IGF1R: variants seen among roughly 807,000 people sequenced by gnomAD.
IGF1R encodes the protein insulin like growth factor 1 receptor.
A neutral mutation model predicts 144.6 loss-of-function variants in IGF1R; 44 were observed. That is an observed-to-expected ratio of 0.30 (90% CI 0.24 to 0.39). IGF1R has a LOEUF of 0.39. Ranked by LOEUF, IGF1R falls within the 10% of genes least tolerant of loss-of-function variation. IGF1R has a pLI of 1.00. For synonymous variants in IGF1R, 795 were observed against 722.8 expected (o/e 1.10, Z -1.60); for missense variants, 1,355 against 1,833.7 (o/e 0.74, Z 4.77).
chr15:98,934,639 T>C (rs998358708), intron 15 of IGF1R, among the ~76,000 whole-genome samples, 185 bp from the exon 16 acceptor site: 3 of 152,224 alleles, frequency 2.0e-5, no homozygotes, highest in African/African-American at 7.2e-5. Context: ...GTACTGACTG[T>C]ACAGTTTTCT....
chr15:98,710,242 G>C (rs750383083), intron 2 of IGF1R, among the ~76,000 whole-genome samples: 13 of 152,166 alleles, frequency 8.5e-5, no homozygotes, highest in Non-Finnish European at 1.5e-4. Flanking sequence ...CAGCCCTGCT[G>C]ATGTTCCTTG....
At chr15:98,827,741 C>T (rs1297992033) in intron 2 of IGF1R, among the ~76,000 whole-genome samples, 12 of 152,166 alleles carry the variant, frequency 7.9e-5, no homozygotes. Context: ...CGCCACCACA[C>T]CCGGCTAATT....
chr15:98,925,143 C>A (rs1177431861), intron 13 of IGF1R, among the ~76,000 whole-genome samples: 1 of 152,114 alleles, frequency 6.6e-6, no homozygotes, highest in Admixed American at 6.5e-5. Flanking sequence ...TCTGGTTCAG[C>A]CTGCTACAGG....
At chr15:98,840,306 C>G (rs1273082501) in intron 2 of IGF1R, among the ~76,000 whole-genome samples, 1 of 152,230 alleles carries the variant, frequency 6.6e-6, no homozygotes, top group Non-Finnish European at 1.5e-5. Flanking sequence ...ACTGCCTTCA[C>G]ATCTTGCTTT....
intron 1 of IGF1R, among the ~76,000 whole-genome samples, chr15:98,664,568 G>A (rs746051516): frequency 2.0e-5 from 3 of 151,844 alleles, no homozygotes; most frequent in Non-Finnish European, 4.4e-5. Context: ...AGGAGGCTGA[G>A]GCAGGAGAAT....
chr15:98,894,845 AC>A (rs1429514547), intron 3 of IGF1R, among the ~76,000 whole-genome samples: 2 of 151,980 alleles, frequency 1.3e-5, no homozygotes, highest in Non-Finnish European at 2.9e-5. Flanking sequence ...ACATGGTGAA[AC>A]CCCATCTCTA....
rs1256725477 is a variant in IGF1R at position 98,648,951 on chromosome 15, T to G, written c.-631T>G. ...GAGCGCGGCGCGGCCGGCCCGCCGC[T>G]TTGTGTGTGTCCTGGATTTGGGAAG... On this transcript the variant is annotated 5_prime_UTR_variant, in exon 1 of 21. Coordinates refer to ENST00000650285, the MANE Select transcript of IGF1R (RefSeq NM_000875.5). 16 of 181,708 alleles carry G rather than the reference T, an allele frequency of 8.8e-5. No individual in the cohort carries two copies. The highest frequency in any genetic ancestry group is 1.9e-3 in the Middle Eastern group (1 of 532). The allele number at this position is 181,708 out of a possible 1,614,324, so 11.3% of individuals were successfully genotyped here.
At chr15:98,870,171 C>G (rs2012707375) in intron 2 of IGF1R, among the ~76,000 whole-genome samples, 1 of 152,242 alleles carries the variant, frequency 6.6e-6, no homozygotes, top group South Asian at 2.1e-4. Context: ...AGAACATTCA[C>G]ATTGTTTTGC....
At chr15:98,903,140 C>T (rs1464993887) in intron 5 of IGF1R, among the ~76,000 whole-genome samples, 2 of 152,206 alleles carry the variant, frequency 1.3e-5, no homozygotes, top group Non-Finnish European at 2.9e-5. Flanking sequence ...TTGTAATCCA[C>T]ATGTACACAA....
chr15:98,737,056 T>C (rs1210493321), intron 2 of IGF1R, among the ~76,000 whole-genome samples: 1 of 152,192 alleles, frequency 6.6e-6, no homozygotes, highest in Non-Finnish European at 1.5e-5. Context: ...AACGACCCAG[T>C]CCCTGAAGAT....
At chr15:98,923,404 C>T (rs948842443) in intron 11 of IGF1R, among the ~76,000 whole-genome samples, 12 of 152,152 alleles carry the variant, frequency 7.9e-5, no homozygotes, top group African/African-American at 2.9e-4. Flanking sequence ...ACGCGGGCCA[C>T]GGAGGGTCCC....
chr15:98,799,579 C>T (rs1280172066), intron 2 of IGF1R, among the ~76,000 whole-genome samples: 1 of 152,114 alleles, frequency 6.6e-6, no homozygotes, highest in African/African-American at 2.4e-5. Flanking sequence ...TTGGTATCTC[C>T]AGCTTGTTTT....
At chr15:98,752,405 T>C (rs980238005) in intron 2 of IGF1R, among the ~76,000 whole-genome samples, 9 of 152,150 alleles carry the variant, frequency 5.9e-5, no homozygotes, top group African/African-American at 2.2e-4. Context: ...GAGCCTTGGC[T>C]GGGCACTGTG....
In IGF1R at chr15:98,943,069, T is replaced by G; in HGVS notation, c.3587+17T>G. 6.2e-7 allele frequency: 1 copy of G among 1,614,096 alleles called. No homozygotes were observed. The highest frequency in any genetic ancestry group is 8.5e-7 in the Non-Finnish European group (1 of 1,179,948). On this transcript the variant is annotated intron_variant, in intron 19 of 20. Coordinates refer to ENST00000650285, the MANE Select transcript of IGF1R (RefSeq NM_000875.5). ...GGACGTCTGGTATGAGAACCTTTAC[T>G]GCATTGCCAGCCTGGAGCCCCCAGC...
chr15:98,707,668 C>T lies in IGF1R; in HGVS notation c.201C>T (p.Ala67=), dbSNP rs45468203. 2.4e-5 allele frequency: 38 copies of T among 1,614,102 alleles called. No homozygotes were observed. In the East Asian group the frequency reaches 4.5e-4, roughly 19 times the overall value. ...GYLHILLISK[A]EDYRSYRFPK... ...TCCACATCCTGCTCATCTCCAAGGC[C>T]GAGGACTACCGCAGCTACCGCTTCC... The change falls in exon 2 of 21, where the codon GCC becomes GCT. Residue 67 remains alanine, a synonymous_variant. Coordinates refer to ENST00000650285, the MANE Select transcript of IGF1R (RefSeq NM_000875.5). The surrounding 1 kb of genome is among the most constrained non-coding windows in gnomAD (Gnocchi z 6.7).
At chr15:98,840,464 T>C (rs1159095444) in intron 2 of IGF1R, among the ~76,000 whole-genome samples, 3 of 152,110 alleles carry the variant, frequency 2.0e-5, no homozygotes, top group African/African-American at 7.2e-5. Context: ...ACCATTAAGT[T>C]GTTAAGATGG....
At chr15:98,776,192 A>T (rs1016227531) in intron 2 of IGF1R, among the ~76,000 whole-genome samples, 10 of 147,252 alleles carry the variant, frequency 6.8e-5, no homozygotes, top group East Asian at 3.9e-4. Flanking sequence ...TTATTTTTTT[A>T]TTTTTTTTTT....
chr15:98,799,558 G>T (rs189032277), intron 2 of IGF1R, among the ~76,000 whole-genome samples: 8 of 152,150 alleles, frequency 5.3e-5, no homozygotes, highest in African/African-American at 1.9e-4. Context: ...CATGTATTTC[G>T]CAAGATTCAT....
rs1191670904 is a variant in IGF1R, at chr15:98,908,664, C to T, written c.1248-21C>T. 2.5e-6 allele frequency: 4 copies of T among 1,607,154 alleles called. No individual in the cohort carries two copies. The South Asian group carries it at 4.4e-5, about 18-fold the overall frequency. ...CTGTGGCCAAGGGCAGGTGCGCTAA[C>T]ATCGATTTCTGTGCTTCTAGGAATT... On this transcript the variant is annotated intron_variant, in intron 5 of 20. Transcript: ENST00000650285.
Sources: allele counts gnomAD v4.1 joint callset (sites outside exome capture counted in the v4.1 genomes callset), GRCh38; gene constraint gnomAD v4.1.1; non-coding constraint Gnocchi (gnomAD v3.1); transcripts MANE v1.5; gene names NCBI Gene and HGNC (gene_info 2026-07-23, HGNC 2026-07-21).